Variants in CCDC57 observed in about 807,000 individuals in gnomAD.
The protein encoded by CCDC57 is coiled-coil domain-containing protein 57.
In CCDC57, 118 loss-of-function variants were observed where a neutral mutation model predicts 118.9. The ratio of observed to expected loss-of-function variants is 0.99; its 90% CI spans 0.86 to 1.16. The LOEUF (loss-of-function observed/expected upper bound fraction) is 1.16. Among genes scored for constraint, CCDC57 ranks in the 50% most tolerant of loss-of-function variants. CCDC57 has a pLI of 0.00. For synonymous variants in CCDC57, 527 were observed against 532.9 expected (o/e 0.99, Z 0.15); for missense variants, 1,300 against 1,320.7 (o/e 0.98, Z 0.24).
chr17:82,154,085 C>T (rs866636027), intron 15 of CCDC57: 1 of 152,386 alleles, frequency 6.6e-6, no homozygotes, highest in Non-Finnish European at 1.5e-5. Flanking sequence ...TAACACATCC[C>T]CCAACTCAGC....
At chr17:82,135,370 G>A (rs2039003904) in intron 16 of CCDC57, 1 of 152,172 alleles carries the variant, frequency 6.6e-6, no homozygotes, top group South Asian at 2.1e-4. Flanking sequence ...CCAAAGTGCT[G>A]GGAATACAGG....
intron 19 of CCDC57, among the ~76,000 whole-genome samples, chr17:82,111,564 T>C (rs1027180675): frequency 9.2e-5 from 14 of 151,988 alleles, no homozygotes; most frequent in Admixed American, 2.0e-4. Flanking sequence ...TTAAAGCATG[T>C]TGGGCCTTGT....
chr17:82,119,719 C>T (rs2036411968), intron 19 of CCDC57, among the ~76,000 whole-genome samples: 1 of 151,868 alleles, frequency 6.6e-6, no homozygotes, highest in South Asian at 2.1e-4. Flanking sequence ...TGCAGACAGG[C>T]TGGAGCTGGA....
At chr17:82,187,944 A>G (rs2047177112) in intron 8 of CCDC57, among the ~76,000 whole-genome samples, 1 of 152,186 alleles carries the variant, frequency 6.6e-6, no homozygotes, top group East Asian at 1.9e-4. Context: ...TGATCTGTAC[A>G]CTAAGAAATG....
At chr17:82,188,257 C>A (rs1466949454) in exon 8 of CCDC57, 1 of 1,565,714 alleles carries the variant, frequency 6.4e-7, no homozygotes, top group Non-Finnish European at 8.6e-7. Context: ...CGGTGTCAGC[C>A]TGTCTCCACT....
chr17:82,134,429 C>T (rs2038867854), intron 16 of CCDC57: 1 of 372,298 alleles, frequency 2.7e-6, no homozygotes. Context: ...TTGCTGTCCT[C>T]ACAGCGGGGG....
chr17:82,157,846 C>A lies in CCDC57; in HGVS notation c.2143G>T (p.Glu715Ter), dbSNP rs548915811. The A allele has an allele frequency of 1.3e-6, 2 of 1,596,514 alleles. No individual in the cohort carries two copies. Among genetic ancestry groups the A allele is most frequent in the African/African-American group, 2.7e-5 (2 of 74,474 alleles). Residue 715 changes from glutamate to a stop codon, truncating the protein, a stop_gained, in exon 15 of 20, where the codon GAG becomes TAG. Transcript: ENST00000665763. LOFTEE classifies it high-confidence loss of function. ...GCTATCCTGAGATGCTTCCCCAGCT[C>A]AGCCACCTGCTTCCGCAGCTCCAAA...
intron 19 of CCDC57, among the ~76,000 whole-genome samples, chr17:82,122,430 G>C (rs976018261): frequency 6.6e-6 from 1 of 152,068 alleles, no homozygotes; most frequent in African/African-American, 2.4e-5. Context: ...TGCTTGTGGC[G>C]CTCTAGGACT....
intron 13 of CCDC57, among the ~76,000 whole-genome samples, chr17:82,164,820 CAA>C (rs1274389947): frequency 6.6e-6 from 1 of 152,172 alleles, no homozygotes; most frequent in African/African-American, 2.4e-5. Context: ...CAGCTGGTTT[CAA>C]AGTTGAATTC....
chr17:82,209,922 G>A (rs903931462), intron 1 of CCDC57, among the ~76,000 whole-genome samples: 1 of 152,092 alleles, frequency 6.6e-6, no homozygotes, highest in African/African-American at 2.4e-5. Flanking sequence ...TGTCTATCTG[G>A]TACTGGGATC....
chr17:82,102,517 C>T (rs1247430886), intron 19 of CCDC57, among the ~76,000 whole-genome samples: 1 of 152,138 alleles, frequency 6.6e-6, no homozygotes, highest in African/African-American at 2.4e-5. Flanking sequence ...GCCAGTTTTT[C>T]TCTATTTTTC....
At chr17:82,171,651 AT>A in intron 13 of CCDC57, 49 bp downstream of exon 12, 1 of 1,582,914 alleles carries the variant, frequency 6.3e-7, no homozygotes, top group Non-Finnish European at 8.6e-7. Flanking sequence ...CAGGGGTCAG[AT>A]TTCAGTTTAT....
chr17:82,134,434 C>A (rs2038868926), intron 16 of CCDC57: 5 of 363,974 alleles, frequency 1.4e-5, no homozygotes, highest in African/African-American at 2.1e-5. Flanking sequence ...GTCCTCACAG[C>A]GGGGGCAGCA....
At chr17:82,201,775 A>G in exon 3 of CCDC57, 1 of 1,613,782 alleles carries the variant, frequency 6.2e-7, no homozygotes, top group Non-Finnish European at 8.5e-7. Flanking sequence ...GTTGTAGACA[A>G]AGTCCTCCTG....
intron 8 of CCDC57, among the ~76,000 whole-genome samples, chr17:82,184,711 C>T (rs1423702418): frequency 6.6e-6 from 1 of 152,192 alleles, no homozygotes; most frequent in African/African-American, 2.4e-5. Flanking sequence ...CTGGCTGCCC[C>T]CACAGAGGCC....
At chr17:82,194,741 A>G (rs1223134440) in intron 5 of CCDC57, among the ~76,000 whole-genome samples, 1 of 152,260 alleles carries the variant, frequency 6.6e-6, no homozygotes, top group African/African-American at 2.4e-5. Context: ...AGTTATTTAA[A>G]TAAGGAAATT....
chr17:82,130,288 G>T (rs1435065471), intron 17 of CCDC57, among the ~76,000 whole-genome samples: 2 of 151,886 alleles, frequency 1.3e-5, no homozygotes, highest in Non-Finnish European at 2.9e-5. Context: ...CCGCCTCCTG[G>T]GTTCAAGTGA....
chr17:82,135,638 A>G (rs1262705340), intron 16 of CCDC57, among the ~76,000 whole-genome samples: 1 of 152,194 alleles, frequency 6.6e-6, no homozygotes, highest in Non-Finnish European at 1.5e-5. Flanking sequence ...AAAAGCCATG[A>G]AGTCAGAAGA....
At chr17:82,171,962 C>T (rs1429638768) in intron 12 of CCDC57, 109 bp from the exon 12 acceptor site, 6 of 1,167,480 alleles carry the variant, frequency 5.1e-6, no homozygotes, top group Non-Finnish European at 7.4e-6. Flanking sequence ...CCGCCAGCTT[C>T]ACTGTCCCTG....
Sources: allele counts gnomAD v4.1 joint callset (sites outside exome capture counted in the v4.1 genomes callset), GRCh38; gene constraint gnomAD v4.1.1; transcripts MANE v1.5; gene names NCBI Gene and HGNC (gene_info 2026-07-23, HGNC 2026-07-21).